Variants in FRMD3 observed in about 807,000 individuals in gnomAD.
The protein encoded by FRMD3 is FERM domain containing 3.
In FRMD3, 33 loss-of-function variants were observed where a neutral mutation model predicts 70.2. That is an observed-to-expected ratio of 0.47 (90% CI 0.36 to 0.63). The LOEUF (loss-of-function observed/expected upper bound fraction) is 0.63. Ranked by LOEUF, FRMD3 falls within the 20% of genes least tolerant of loss-of-function variation. The pLI is 0.00. For missense variants in FRMD3, 632 were observed against 711.4 expected (o/e 0.89, Z 1.27); for synonymous variants, 279 against 255.9 (o/e 1.09, Z -0.86).
At chr9:83,514,171 G>A (rs375756502) in intron 1 of FRMD3, among the ~76,000 whole-genome samples, 29 of 152,274 alleles carry the variant, frequency 1.9e-4, no homozygotes, top group East Asian at 1.5e-3. Flanking sequence ...CTTGCTCAGC[G>A]GATCCCACCC....
intron 3 of FRMD3, among the ~76,000 whole-genome samples, chr9:83,362,209 C>CTT (rs1564035385): frequency 6.8e-6 from 1 of 147,616 alleles, no homozygotes; most frequent in African/African-American, 2.5e-5. Flanking sequence ...CTCTCTCTCT[C>CTT]AATCTCAATC....
chr9:83,405,440 G>A (rs1187110627), intron 1 of FRMD3, among the ~76,000 whole-genome samples: 3 of 151,986 alleles, frequency 2.0e-5, no homozygotes, highest in Non-Finnish European at 2.9e-5. Flanking sequence ...AGGAAGGAGC[G>A]GTTCTGGGAT....
intron 1 of FRMD3, among the ~76,000 whole-genome samples, chr9:83,492,333 T>C (rs1162758041): frequency 3.9e-5 from 6 of 152,040 alleles, no homozygotes; most frequent in Non-Finnish European, 7.3e-5. Flanking sequence ...ATCTCATTCA[T>C]AACAAAAACA....
chr9:83,301,624 G>A (rs1208004762), intron 10 of FRMD3, among the ~76,000 whole-genome samples: 6 of 152,126 alleles, frequency 3.9e-5, no homozygotes, highest in Admixed American at 1.3e-4. Context: ...CGGCAAAGCC[G>A]GCGCAGGTGT....
chr9:83,265,460 G>A (rs1215440862), intron 13 of FRMD3, among the ~76,000 whole-genome samples: 1 of 137,100 alleles, frequency 7.3e-6, no homozygotes, highest in African/African-American at 2.7e-5. Flanking sequence ...AAAGTTGAAA[G>A]CCAAGAACCA....
chr9:83,502,378 T>C (rs1262296837), intron 1 of FRMD3, among the ~76,000 whole-genome samples: 2 of 152,138 alleles, frequency 1.3e-5, no homozygotes, highest in Non-Finnish European at 2.9e-5. Flanking sequence ...TAAAGTTTAG[T>C]TTGTAGAAGA....
At chr9:83,362,260 GC>G (rs1475934676) in intron 3 of FRMD3, among the ~76,000 whole-genome samples, 12 of 151,620 alleles carry the variant, frequency 7.9e-5, no homozygotes, top group African/African-American at 2.9e-4. Flanking sequence ...TAGCAAGAGA[GC>G]TATTTGTTAG....
chr9:83,369,886 C>T (rs1351792104), intron 3 of FRMD3, among the ~76,000 whole-genome samples: 1 of 152,016 alleles, frequency 6.6e-6, no homozygotes, highest in Non-Finnish European at 1.5e-5. Flanking sequence ...GAGGGAGGAG[C>T]AAGGAAATAG....
At chr9:83,486,788 C>G (rs943135228) in intron 1 of FRMD3, among the ~76,000 whole-genome samples, 8 of 152,160 alleles carry the variant, frequency 5.3e-5, no homozygotes, top group Non-Finnish European at 1.2e-4. Flanking sequence ...TATTCTGTTC[C>G]TTTCCATAAG....
chr9:83,357,235 TATAATACATACA>T (rs1564032364), intron 3 of FRMD3, among the ~76,000 whole-genome samples: 821 of 13,342 alleles, frequency 0.062, 289 homozygotes, highest in African/African-American at 0.29. Flanking sequence ...TTTATATATA[TATAATACATACA>T]TATATATATA....
chr9:83,450,390 G>A (rs1353229410), intron 1 of FRMD3, among the ~76,000 whole-genome samples: 1 of 134,800 alleles, frequency 7.4e-6, no homozygotes, highest in Non-Finnish European at 1.6e-5. Flanking sequence ...TAAGTTTTAG[G>A]GTACATGTGC....
At chr9:83,569,481 T>C in the FRMD3 span, among the ~76,000 whole-genome samples, 2 of 152,230 alleles carry the variant, frequency 1.3e-5, no homozygotes, top group African/African-American at 4.8e-5. Flanking sequence ...AACGGGGACT[T>C]GCCACCCAGT....
intron 4 of FRMD3, among the ~76,000 whole-genome samples, chr9:83,345,740 G>C (rs1045556931): frequency 6.6e-6 from 1 of 152,018 alleles, no homozygotes; most frequent in Non-Finnish European, 1.5e-5. Context: ...CTGGGTGACA[G>C]AGCAAGACTC....
At chr9:83,408,959 A>G (rs1826202579) in intron 1 of FRMD3, among the ~76,000 whole-genome samples, 1 of 152,204 alleles carries the variant, frequency 6.6e-6, no homozygotes, top group South Asian at 2.1e-4. Flanking sequence ...ACCCTGCCAG[A>G]GCCAACATAG....
intron 1 of FRMD3, among the ~76,000 whole-genome samples, chr9:83,532,298 G>A (rs1829805480): frequency 6.6e-6 from 1 of 152,148 alleles, no homozygotes; most frequent in African/African-American, 2.4e-5. Context: ...TCATGCCACT[G>A]TGCCACTTGA....
intron 1 of FRMD3, among the ~76,000 whole-genome samples, chr9:83,420,681 T>C (rs757164916): frequency 3.3e-5 from 5 of 152,158 alleles, no homozygotes; most frequent in Non-Finnish European, 5.9e-5. Flanking sequence ...TGGAAGATGT[T>C]TGAGTCATGG....
At chr9:83,560,863 T>C in the FRMD3 span, among the ~76,000 whole-genome samples, 1 of 152,178 alleles carries the variant, frequency 6.6e-6, no homozygotes, top group Admixed American at 6.5e-5. Context: ...ACAATGCCCT[T>C]AGGGATGATA....
intron 13 of FRMD3, among the ~76,000 whole-genome samples, chr9:83,254,327 T>C (rs562873586): frequency 2.1e-5 from 2 of 94,184 alleles, no homozygotes; most frequent in African/African-American, 3.2e-5. Flanking sequence ...GTTTTTAATA[T>C]ATTTTTAATA....
chr9:83,577,294 G>A, the FRMD3 span, among the ~76,000 whole-genome samples: 2 of 151,994 alleles, frequency 1.3e-5, no homozygotes, highest in African/African-American at 4.8e-5. Context: ...GTTGTAGGAT[G>A]CACACTTTCC....
Sources: allele counts gnomAD v4.1 joint callset (sites outside exome capture counted in the v4.1 genomes callset), GRCh38; gene constraint gnomAD v4.1.1; transcripts MANE v1.5; gene names NCBI Gene and HGNC (gene_info 2026-07-23, HGNC 2026-07-21).